The following ADH4 variants were observed in gnomAD, a reference collection of about 807,000 sequenced individuals.
ADH4 encodes the protein all-trans-retinol dehydrogenase [NAD(+)] ADH4.
ADH4 carries 31 observed loss-of-function variants against 35.2 expected under a neutral mutation model. The observed-to-expected ratio is 0.88, with a 90% CI of 0.66 to 1.19. The LOEUF (loss-of-function observed/expected upper bound fraction) is 1.19, where lower values mean the gene tolerates loss of function less well. ADH4 is among the 50% of genes most tolerant of loss of function. The pLI, the probability that ADH4 is intolerant of heterozygous loss-of-function variation, is 0.00. For synonymous variants in ADH4, 171 were observed against 160.2 expected (o/e 1.07, Z -0.51); for missense variants, 476 against 458.3 (o/e 1.04, Z -0.35).
At chr4:99,140,893 C>T (rs1185597711) in intron 3 of ADH4, among the ~76,000 whole-genome samples, 1 of 149,566 alleles carries the variant, frequency 6.7e-6, no homozygotes, top group Non-Finnish European at 1.5e-5. Context: ...GGAAAAACAA[C>T]ACCTTTAATT....
intron 4 of ADH4, among the ~76,000 whole-genome samples, chr4:99,138,656 G>A (rs7670638): frequency 6.6e-6 from 1 of 152,006 alleles, no homozygotes; most frequent in African/African-American, 2.4e-5. Flanking sequence ...GTATAGTATT[G>A]TTTTTGTATA....
Position 99,123,962 on chromosome 4 carries a change from CTG to C in ADH4, c.*478_*479del, listed in dbSNP as rs1728994631. 6.3e-6 allele frequency: 1 copy of C among 159,342 alleles called. No individual in the cohort carries two copies. Among genetic ancestry groups the C allele is most frequent in the Admixed American group, 6.5e-5 (1 of 15,324 alleles). 9.9% of individuals were successfully genotyped at this position (159,342 alleles called of 1,614,324 possible). A position where few individuals can be genotyped will look rare whatever the true frequency, so the allele number is the denominator to read the frequency against. ...AGCTATTCTTCCTGATGCTCTCTCT[CTG>C]CCGACTCCCTGCCCTCAACAGGCCC... On this transcript the variant is annotated 3_prime_UTR_variant, in exon 9 of 9. Coordinates refer to ENST00000265512, the MANE Select transcript of ADH4 (RefSeq NM_000670.5).
chr4:99,127,330 G>C lies in ADH4; in HGVS notation c.858C>G (p.Asp286Glu). Residue 286 changes from aspartate (D) to glutamate (E), a missense_variant, in exon 7 of 9, where the codon GAC (aspartate) becomes GAG (glutamate). Physicochemically the swap from Asp to Glu is conservative, Grantham distance 45. Coordinates refer to ENST00000265512, the MANE Select transcript of ADH4 (RefSeq NM_000670.5). ...ATGATCCCCAGCCTGCGGTTGTACA[G>C]TCCAGGGCTGCTTTCTGTGATGGAG... is the stretch of plus-strand genomic sequence containing the variant. ...GGSETMKAALDCTTAGWGSCT... is the reference protein window; with the variant it reads ...GGSETMKAALECTTAGWGSCT... 6.3e-7 allele frequency: 1 copy of C among 1,596,474 alleles called. No individual in the cohort carries two copies. Among genetic ancestry groups the C allele is most frequent in the Non-Finnish European group, 8.5e-7 (1 of 1,172,930 alleles).
intron 3 of ADH4, among the ~76,000 whole-genome samples, chr4:99,140,034 C>T (rs1477251647): frequency 6.6e-6 from 1 of 152,140 alleles, no homozygotes; most frequent in Non-Finnish European, 1.5e-5. Flanking sequence ...TTACATAGCC[C>T]ATATTCCAGT....
At chr4:99,139,921 A>G (rs1729558648) in intron 3 of ADH4, among the ~76,000 whole-genome samples, 1 of 152,176 alleles carries the variant, frequency 6.6e-6, no homozygotes, top group Non-Finnish European at 1.5e-5. Context: ...TTGTTTGTAC[A>G]ATCTTTTTTG....
At chr4:99,124,543 TTTTCA>T (rs1729022004) in intron 8 of ADH4, 77 bp from the exon 9 acceptor site, 1 of 968,368 alleles carries the variant, frequency 1.0e-6, no homozygotes, top group East Asian at 2.9e-5. Flanking sequence ...AAGTTTTGCC[TTTTCA>T]TTTCAGGATC....
In ADH4 at chr4:99,131,742, G is replaced by A; in HGVS notation, c.605C>T (p.Ala202Val). The A allele has an allele frequency of 6.2e-7, 1 of 1,614,010 alleles. No individual in the cohort carries two copies. The highest frequency in any genetic ancestry group is 8.5e-7 in the Non-Finnish European group (1 of 1,179,966). ...ACCCACACCTCCTAGGCCAAAGACA[G>A]CACAAGTCGAACCAGGGGTGACCTG... ...NAKVTPGSTC[A>V]VFGLGGVGLS... is the part of the protein sequence containing the mutation. The change falls in exon 6 of 9, where the codon GCT becomes GTT. Residue 202 changes from alanine (A) to valine (V), a missense_variant. Coordinates refer to ENST00000265512, the MANE Select transcript of ADH4 (RefSeq NM_000670.5).
intron 7 of ADH4, 103 bp from the exon 8 acceptor site, chr4:99,126,835 G>A (rs531606553): frequency 1.8e-6 from 2 of 1,119,556 alleles, no homozygotes; most frequent in Non-Finnish European, 1.2e-6. Context: ...GATTTGGTTT[G>A]CTTCAAATAG....
chr4:99,131,750 C>T lies in ADH4; in HGVS notation c.597G>A (p.Ser199=), dbSNP rs2110495410. The T allele has an allele frequency of 9.9e-6, 16 of 1,613,942 alleles. No individual in the cohort carries two copies. Among genetic ancestry groups the T allele is most frequent in the African/African-American group, 1.3e-5 (1 of 75,036 alleles). Residue 199 remains serine (S), a synonymous_variant, in exon 6 of 9, where the codon TCG becomes TCA. Coordinates refer to ENST00000265512, the MANE Select transcript of ADH4 (RefSeq NM_000670.5). ...CTCCTAGGCCAAAGACAGCACAAGT[C>T]GAACCAGGGGTGACCTGCAAGCAGG... The part of the protein sequence containing the change: ...AINNAKVTPG[S]TCAVFGLGGV...
rs974508469 is a variant in ADH4, at chr4:99,131,739, A to G, written c.608T>C (p.Val203Ala). The change falls in exon 6 of 9, where the codon GTC (valine) becomes GCC (alanine). Residue 203 changes from valine to alanine, a missense_variant. Coordinates refer to ENST00000265512, the MANE Select transcript of ADH4 (RefSeq NM_000670.5). ...AAGACCCACACCTCCTAGGCCAAAG[A>G]CAGCACAAGTCGAACCAGGGGTGAC... The part of the protein sequence containing the change: ...AKVTPGSTCA[V>A]FGLGGVGLSA... 1 of 1,614,126 alleles carries G rather than the reference A, an allele frequency of 6.2e-7. No individual in the cohort carries two copies. The highest frequency in any genetic ancestry group is 8.5e-7 in the Non-Finnish European group (1 of 1,179,986).
chr4:99,132,314 T>C (rs927121643), intron 5 of ADH4, among the ~76,000 whole-genome samples: 13 of 152,202 alleles, frequency 8.5e-5, no homozygotes, highest in Non-Finnish European at 1.6e-4. Context: ...TGTTGCACTT[T>C]CTTCTCATGC....
In ADH4 at chr4:99,126,735, G is replaced by T. The variant is rs943750246; in HGVS notation, c.980-3C>A. On this transcript the variant is annotated splice_region_variant and splice_polypyrimidine_tract_variant and intron_variant, in intron 7 of 8. Coordinates refer to ENST00000265512, the MANE Select transcript of ADH4 (RefSeq NM_000670.5). Reference sequence around the variant, plus strand: ...GATAGAATCTACACTTTTCCAACCTGTAATGTGGACAAAATGCAAAATAAA... The same window carrying T: ...GATAGAATCTACACTTTTCCAACCTTTAATGTGGACAAAATGCAAAATAAA... The T allele has an allele frequency of 1.3e-6, 2 of 1,590,828 alleles. No homozygotes were observed. Among genetic ancestry groups the T allele is most frequent in the Admixed American group, 3.4e-5 (2 of 59,266 alleles).
At chr4:99,131,886 T>G in intron 5 of ADH4, 122 bp from the exon 6 acceptor site, 37 of 1,043,858 alleles carry the variant, frequency 3.5e-5, no homozygotes, top group Non-Finnish European at 5.0e-5. Context: ...TATTAAACTC[T>G]ATGATATAGC....
Position 99,141,413 on chromosome 4 carries a change from T to C in ADH4, c.262+128A>G, listed in dbSNP as rs891486968. On this transcript the variant is annotated intron_variant, in intron 3 of 8. Coordinates refer to ENST00000265512, the MANE Select transcript of ADH4 (RefSeq NM_000670.5). Reference sequence around the variant, plus strand: ...GACTGTGATAAATTGTGTCTCTCGTTTTACTTTGGAAAAGATGGTCCCCTT... The same window carrying C: ...GACTGTGATAAATTGTGTCTCTCGTCTTACTTTGGAAAAGATGGTCCCCTT... 9 of 881,110 alleles carry C rather than the reference T, an allele frequency of 1.0e-5. No individual in the cohort carries two copies. In the African/African-American group the frequency reaches 1.3e-4, roughly 13 times the overall value. 54.6% of individuals were successfully genotyped at this position (881,110 alleles called of 1,614,324 possible).
intron 5 of ADH4, among the ~76,000 whole-genome samples, chr4:99,133,095 AATGC>A (rs1729338045): frequency 6.6e-6 from 1 of 152,106 alleles, no homozygotes; most frequent in Non-Finnish European, 1.5e-5. Flanking sequence ...AGGAAGTGGA[AATGC>A]ATTTTTCCCA....
At chr4:99,143,224 G>A (rs1021955212) in intron 1 of ADH4, 6 of 701,894 alleles carry the variant, frequency 8.5e-6, no homozygotes, top group Non-Finnish European at 1.6e-5. Context: ...CTCGAAGTGT[G>A]GTCCTCGGAC....
Position 99,139,063 on chromosome 4 carries a change from G to A in ADH4, c.348C>T (p.Ile116=). ...TACTAACAGTGTAGAGTGCTTACCT[G>A]ATTTTCCCACACAAATTTGTGAGTG... ...LSPLTNLCGK[I]SNLKSPASDQ... The change falls in exon 4 of 9, where the codon ATC becomes ATT. Residue 116 remains isoleucine, a splice_region_variant and synonymous_variant. Transcript: ENST00000265512. 1 of 1,610,370 alleles carries A rather than the reference G, an allele frequency of 6.2e-7. No homozygotes were observed.
intron 1 of ADH4, chr4:99,143,155 C>T (rs1174581705): frequency 7.1e-6 from 5 of 701,650 alleles, no homozygotes; most frequent in African/African-American, 5.2e-5. Flanking sequence ...TTGAAATCAC[C>T]TCTGAATTAC....
chr4:99,141,370 T>C (rs1307159736), intron 3 of ADH4, among the ~76,000 whole-genome samples, 171 bp downstream of exon 3: 2 of 152,226 alleles, frequency 1.3e-5, no homozygotes, highest in Non-Finnish European at 2.9e-5. Context: ...TGATTTCAAA[T>C]ATTCTGTCCT....
Sources: allele counts gnomAD v4.1 joint callset (sites outside exome capture counted in the v4.1 genomes callset), GRCh38; gene constraint gnomAD v4.1.1; transcripts MANE v1.5; gene names NCBI Gene and HGNC (gene_info 2026-07-23, HGNC 2026-07-21).